The following AGBL4 variants were observed in gnomAD, a reference collection of about 807,000 sequenced individuals.
AGBL4 encodes the protein cytosolic carboxypeptidase 6.
Under a neutral mutation model 66.4 loss-of-function variants are expected in AGBL4, and 58 were observed. That is an observed-to-expected ratio of 0.87 (90% CI 0.71 to 1.09). The LOEUF is 1.09. Ranked by LOEUF, AGBL4 falls within the 50% of genes least tolerant of loss-of-function variation. AGBL4 has a pLI of 0.00. For synonymous variants in AGBL4, 234 were observed against 222.9 expected (o/e 1.05, Z -0.44); for missense variants, 579 against 631.0 (o/e 0.92, Z 0.88).
At chr1:49,521,773 A>C (rs1172321248) in intron 3 of AGBL4, among the ~76,000 whole-genome samples, 3 of 152,146 alleles carry the variant, frequency 2.0e-5, no homozygotes, top group African/African-American at 7.2e-5. Context: ...CTAAGTCCTC[A>C]AAAGCAATTG....
chr1:49,313,309 AC>A (rs1335143531), intron 3 of AGBL4, among the ~76,000 whole-genome samples: 25 of 152,110 alleles, frequency 1.6e-4, no homozygotes, highest in Non-Finnish European at 1.0e-4. Context: ...GGTCTTTGCT[AC>A]TGTGAACAGT....
chr1:48,900,758 GT>G (rs753431005), intron 5 of AGBL4, among the ~76,000 whole-genome samples: 1 of 152,170 alleles, frequency 6.6e-6, no homozygotes, highest in Non-Finnish European at 1.5e-5. Flanking sequence ...AGTCCTAAAT[GT>G]AAAACCTGAA....
chr1:49,379,382 G>T (rs1644542813), intron 3 of AGBL4, among the ~76,000 whole-genome samples: 1 of 152,098 alleles, frequency 6.6e-6, no homozygotes, highest in South Asian at 2.1e-4. Flanking sequence ...GCATAGAACT[G>T]CCTGGCACAG....
chr1:49,697,679 T>C (rs1177287434), intron 2 of AGBL4, among the ~76,000 whole-genome samples: 50 of 152,178 alleles, frequency 3.3e-4, no homozygotes, highest in Non-Finnish European at 2.4e-4. Flanking sequence ...GATCCTTTTA[T>C]GCTACAAGTA....
chr1:49,553,213 T>C (rs1054855810), intron 3 of AGBL4, among the ~76,000 whole-genome samples: 1 of 152,216 alleles, frequency 6.6e-6, no homozygotes, highest in Non-Finnish European at 1.5e-5. Flanking sequence ...CAATATAGAT[T>C]GTACGATGGC....
intron 1 of AGBL4, among the ~76,000 whole-genome samples, chr1:49,938,497 G>A (rs1467000903): frequency 1.3e-5 from 2 of 152,156 alleles, no homozygotes; most frequent in East Asian, 3.8e-4. Flanking sequence ...CTCATTTTAT[G>A]AGGACAGCAC....
chr1:48,654,965 T>C (rs1354855466), intron 7 of AGBL4, among the ~76,000 whole-genome samples: 4 of 152,184 alleles, frequency 2.6e-5, no homozygotes, highest in African/African-American at 7.2e-5. Context: ...GCTTAATCTG[T>C]CCAGTAATTG....
At chr1:49,025,824 G>A (rs574947371) in intron 5 of AGBL4, among the ~76,000 whole-genome samples, 93 of 152,116 alleles carry the variant, frequency 6.1e-4, no homozygotes, top group South Asian at 4.2e-4. Context: ...TGGAGTTTCC[G>A]GATTTATTAT....
At chr1:50,009,615 C>T (rs1661379172) in intron 1 of AGBL4, among the ~76,000 whole-genome samples, 1 of 151,580 alleles carries the variant, frequency 6.6e-6, no homozygotes, top group African/African-American at 2.4e-5. Context: ...CACAAGGATG[C>T]TCACTTTCAC....
intron 3 of AGBL4, among the ~76,000 whole-genome samples, chr1:49,418,506 T>C (rs1645476738): frequency 6.6e-6 from 1 of 152,200 alleles, no homozygotes; most frequent in Non-Finnish European, 1.5e-5. Flanking sequence ...GTGCTATGAA[T>C]GGACTAAGTA....
At chr1:48,812,152 A>G (rs866116810) in intron 6 of AGBL4, among the ~76,000 whole-genome samples, 1 of 152,172 alleles carries the variant, frequency 6.6e-6, no homozygotes, top group African/African-American at 2.4e-5. Context: ...GGGCATCAAA[A>G]TGGACAGAAG....
At chr1:48,868,690 T>G (rs1297174030) in intron 5 of AGBL4, among the ~76,000 whole-genome samples, 1 of 152,216 alleles carries the variant, frequency 6.6e-6, no homozygotes, top group Non-Finnish European at 1.5e-5. Context: ...CTCTTACTTT[T>G]TCATGAATTT....
At chr1:48,792,856 A>C (rs1449900857) in intron 6 of AGBL4, among the ~76,000 whole-genome samples, 1 of 152,162 alleles carries the variant, frequency 6.6e-6, no homozygotes, top group Non-Finnish European at 1.5e-5. Context: ...TCCCTTCTTC[A>C]CCTTGATGTC....
chr1:49,476,886 G>A (rs367754257), intron 3 of AGBL4, among the ~76,000 whole-genome samples: 30 of 152,160 alleles, frequency 2.0e-4, no homozygotes, highest in African/African-American at 7.2e-4. Context: ...GCTGACTGAA[G>A]AGCCCTTGGG....
At chr1:48,737,374 G>A (rs377340963) in intron 6 of AGBL4, among the ~76,000 whole-genome samples, 9 of 152,320 alleles carry the variant, frequency 5.9e-5, no homozygotes, top group Admixed American at 3.3e-4. Context: ...GCTGGGTGTG[G>A]CCTAAATAAT....
intron 1 of AGBL4, among the ~76,000 whole-genome samples, chr1:49,953,732 T>A (rs1057020598): frequency 3.9e-5 from 6 of 151,926 alleles, no homozygotes; most frequent in African/African-American, 1.4e-4. Context: ...CTGAAACACT[T>A]CTGATCCCAA....
At chr1:49,053,055 T>A (rs1363660815) in intron 4 of AGBL4, among the ~76,000 whole-genome samples, 1 of 152,162 alleles carries the variant, frequency 6.6e-6, no homozygotes, top group South Asian at 2.1e-4. Flanking sequence ...ACCTGACACA[T>A]ACGGGGTGCT....
intron 4 of AGBL4, among the ~76,000 whole-genome samples, chr1:49,059,300 C>T (rs1399296098): frequency 2.0e-5 from 3 of 152,244 alleles, no homozygotes; most frequent in Middle Eastern, 3.2e-3. Flanking sequence ...TGGACCATCG[C>T]TTCAGAGGGC....
chr1:48,846,372 A>G (rs947291272), intron 6 of AGBL4, among the ~76,000 whole-genome samples: 2 of 133,128 alleles, frequency 1.5e-5, no homozygotes, highest in African/African-American at 3.5e-5. Context: ...GAAGAAAGAA[A>G]GAAAGAAAGA....
Sources: gnomAD v4.1 joint callset for allele counts (sites outside exome capture counted in the v4.1 genomes callset) on GRCh38, gnomAD v4.1.1 for gene constraint, MANE v1.5 for transcripts, NCBI Gene and HGNC (gene_info 2026-07-23, HGNC 2026-07-21) for gene names.